TCF7: variants seen among roughly 807,000 people sequenced by gnomAD.
TCF7 encodes transcription factor 7.
Under a neutral mutation model 46.8 loss-of-function variants are expected in TCF7, and 19 were observed. That is an observed-to-expected ratio of 0.41 (90% confidence interval 0.28 to 0.60). The LOEUF (loss-of-function observed/expected upper bound fraction) is 0.60, where lower values mean the gene tolerates loss of function less well. TCF7 is among the 20% of genes least tolerant of loss of function. TCF7 has a pLI of 0.35. For synonymous variants in TCF7, 245 were observed against 213.4 expected (o/e 1.15, Z -1.29); for missense variants, 547 against 504.6 (o/e 1.08, Z -0.81).
upstream of TCF7, among the ~76,000 whole-genome samples, chr5:134,114,047 C>T (rs36203746): frequency 0.019 from 2,876 of 152,268 alleles, 95 homozygotes; most frequent in African/African-American, 0.065. Flanking sequence ...GAGCCGTCGC[C>T]TGACTGAGGG....
chr5:134,132,755 G>A (rs1000002889), intron 3 of TCF7, among the ~76,000 whole-genome samples: 1 of 151,338 alleles, frequency 6.6e-6, no homozygotes, highest in Non-Finnish European at 1.5e-5. Flanking sequence ...GGGTTGGGGG[G>A]GTGGTGAAGG....
rs1755569357 is a variant in TCF7, at chr5:134,114,821, ACTCCGGGCTCGCCGCC to A, written c.-84_-69del. On this transcript the variant is annotated 5_prime_UTR_variant, in exon 1 of 10. Coordinates refer to ENST00000342854, the MANE Select transcript of TCF7 (RefSeq NM_003202.5). ...CCGCGATCCGAGCTCGGAGGTTCGG[ACTCCGGGCTCGCCGCC>A]CCCCGGGCCGGCTCCGCGCCCCGCA... 1 of 974,760 alleles carries A rather than the reference ACTCCGGGCTCGCCGCC, an allele frequency of 1.0e-6. No homozygotes were observed. Among genetic ancestry groups the A allele is most frequent in the South Asian group, 4.7e-5 (1 of 21,104 alleles). 60.4% of individuals were successfully genotyped at this position (974,760 alleles called of 1,614,324 possible).
intron 9 of TCF7, chr5:134,144,905 T>TA (rs765122242): frequency 3.8e-5 from 60 of 1,579,976 alleles, no homozygotes; most frequent in Admixed American, 6.7e-5. Flanking sequence ...CCCTTTGCTT[T>TA]AAGCTGCTTC....
At chr5:134,144,865 T>C in intron 9 of TCF7, 2 of 1,614,114 alleles carry the variant, frequency 1.2e-6, no homozygotes, top group Non-Finnish European at 1.7e-6. Flanking sequence ...GTGTGGTCCG[T>C]GCAGGTGGGT....
intron 9 of TCF7, chr5:134,144,764 C>CCTGCT (rs775555778): frequency 1.3e-6 from 2 of 1,591,616 alleles, no homozygotes; most frequent in South Asian, 1.1e-5. Flanking sequence ...CGCCCTCTGC[C>CCTGCT]CTGCTCTACC....
At chr5:134,141,588 T>G (rs1005177822) in intron 5 of TCF7, 1 of 152,082 alleles carries the variant, frequency 6.6e-6, no homozygotes, top group African/African-American at 2.4e-5. Context: ...GAAAGAGTAA[T>G]AGATCTTTTG....
rs1484837584 is a variant in TCF7, at chr5:134,114,847, G to A, written c.-60G>A. On this transcript the variant is annotated 5_prime_UTR_variant, in exon 1 of 10. Transcript: ENST00000342854. The stretch of plus-strand genomic sequence containing the variant: ...CTCCGGGCTCGCCGCCCCCCGGGCC[G>A]GCTCCGCGCCCCGCACTCCCGGCGC... 3 of 981,750 alleles carry A rather than the reference G, an allele frequency of 3.1e-6. No homozygotes were observed. Among genetic ancestry groups the A allele is most frequent in the Non-Finnish European group, 3.6e-6 (3 of 829,158 alleles). 60.8% of individuals were successfully genotyped at this position (981,750 alleles called of 1,614,324 possible). A position where few individuals can be genotyped will look rare whatever the true frequency, so the allele number is the denominator to read the frequency against.
In TCF7 at chr5:134,116,202, G is replaced by A. The variant is rs1007311574; in HGVS notation, c.441+169G>A. 4.3e-6 allele frequency: 6 copies of A among 1,391,756 alleles called. No homozygotes were observed. The African/African-American group carries it at 7.4e-5, about 17-fold the overall frequency. 86.2% of individuals were successfully genotyped at this position (1,391,756 alleles called of 1,614,324 possible). A position where few individuals can be genotyped will look rare whatever the true frequency, so the allele number is the denominator to read the frequency against. On this transcript the variant is annotated intron_variant, in intron 3 of 9. Transcript: ENST00000342854. ...TCTGAACCAAAAGGAGAACTTTGCTGAAGGAAGGAGGGGCCGCCCTGGGGC... is the reference window on the plus strand; with the variant it reads ...TCTGAACCAAAAGGAGAACTTTGCTAAAGGAAGGAGGGGCCGCCCTGGGGC...
chr5:134,145,711 G>A (rs768567280), intron 9 of TCF7: 2 of 1,612,142 alleles, frequency 1.2e-6, no homozygotes, highest in Middle Eastern at 1.7e-4. Flanking sequence ...CCTGTCTTCA[G>A]GGGAAGTTCT....
chr5:134,147,205 G>A lies in TCF7; in HGVS notation c.*902G>A, dbSNP rs1306005026. 1.3e-5 allele frequency: 2 copies of A among 152,176 alleles called. No individual in the cohort carries two copies. The highest frequency in any genetic ancestry group is 2.9e-5 in the Non-Finnish European group (2 of 68,104). 9.4% of individuals were successfully genotyped at this position (152,176 alleles called of 1,614,324 possible). A position where few individuals can be genotyped will look rare whatever the true frequency, so the allele number is the denominator to read the frequency against. The stretch of plus-strand genomic sequence containing the variant: ...TTATCAGGCAAATTGGGGAGGGGAG[G>A]GTGTATCTAGCTCTAGTTCAAATTA... On this transcript the variant is annotated 3_prime_UTR_variant, in exon 10 of 10. Coordinates refer to ENST00000342854, the MANE Select transcript of TCF7 (RefSeq NM_003202.5).
In TCF7 at chr5:134,142,661, A is replaced by C. The variant is rs558212358; in HGVS notation, c.756-60A>C. ...CACTCTAGGCCCACGCTAGAGGAGG[A>C]GGCTGCAATTAGGTGGGCACTCGGG... On this transcript the variant is annotated intron_variant, in intron 6 of 9. Transcript: ENST00000342854. 8.7e-5 allele frequency: 138 copies of C among 1,593,514 alleles called. 1 individual carries two copies. The highest frequency in any genetic ancestry group is 5.6e-4 in the South Asian group (49 of 87,762).
intron 3 of TCF7, among the ~76,000 whole-genome samples, chr5:134,134,478 G>A (rs867140777): frequency 4.6e-5 from 7 of 152,206 alleles, no homozygotes; most frequent in Non-Finnish European, 7.3e-5. Flanking sequence ...CTCAGTCTCC[G>A]TGCCCTCAGC....
rs1311293681 is a variant in TCF7, at chr5:134,138,094, A to G, written c.477A>G (p.Gln159=). The G allele has an allele frequency of 1.1e-5, 18 of 1,609,318 alleles. No individual in the cohort carries two copies. The East Asian group carries it at 2.7e-4, about 24-fold the overall frequency. ...KANQPPHGVP[Q]LSLYEHFNSP... ...ATCAGCCCCCCCACGGTGTCCCCCA[A>G]CTCTCTCTCTACGAACATTTCAACA... The change falls in exon 4 of 10, where the codon CAA becomes CAG. Residue 159 remains glutamine (Q), a synonymous_variant. Coordinates refer to ENST00000342854, the MANE Select transcript of TCF7 (RefSeq NM_003202.5).
intron 3 of TCF7, among the ~76,000 whole-genome samples, chr5:134,121,029 C>T (rs1457674282): frequency 1.3e-5 from 2 of 152,252 alleles, no homozygotes; most frequent in East Asian, 1.9e-4. Flanking sequence ...GACTTGGGCA[C>T]GGAGGGGTCT....
intron 9 of TCF7, 97 bp downstream of exon 9, chr5:134,143,737 C>G (rs1312103441): frequency 1.2e-5 from 17 of 1,469,624 alleles, no homozygotes; most frequent in Admixed American, 3.8e-5. Context: ...CGGTACCCAG[C>G]TAGGAGCCTT....
Position 134,115,173 on chromosome 5 carries a change from C to A in TCF7, c.249+18C>A. On this transcript the variant is annotated intron_variant, in intron 1 of 9. Transcript: ENST00000342854. Reference sequence around the variant, plus strand: ...AGGCCGAGGTGAGCCCCCGCCGGCGCCGGCTCCTCCCCCGCGGTCGCCGCG... The same window carrying A: ...AGGCCGAGGTGAGCCCCCGCCGGCGACGGCTCCTCCCCCGCGGTCGCCGCG... 1 of 1,044,392 alleles carries A rather than the reference C, an allele frequency of 9.6e-7. No homozygotes were observed. Among genetic ancestry groups the A allele is most frequent in the South Asian group, 4.5e-5 (1 of 22,388 alleles). The allele number at this position is 1,044,392 out of a possible 1,614,324, so 64.7% of individuals were successfully genotyped here.
intron 3 of TCF7, among the ~76,000 whole-genome samples, chr5:134,116,404 C>G (rs1755849297): frequency 6.6e-6 from 1 of 152,208 alleles, no homozygotes; most frequent in Non-Finnish European, 1.5e-5. Flanking sequence ...AATTAACTTT[C>G]TAACTAGCCC....
At chr5:134,109,507 C>T in the TCF7 span, among the ~76,000 whole-genome samples, 5 of 152,174 alleles carry the variant, frequency 3.3e-5, no homozygotes, top group South Asian at 4.1e-4. Flanking sequence ...CGGTGGCTCA[C>T]GCTTGTAATC....
intron 3 of TCF7, among the ~76,000 whole-genome samples, chr5:134,123,078 T>C (rs1210293057): frequency 1.3e-5 from 2 of 152,160 alleles, no homozygotes; most frequent in Non-Finnish European, 2.9e-5. Flanking sequence ...CAGTGTGGAA[T>C]GGAAAGAGAC....
Sources: allele counts gnomAD v4.1 joint callset (sites outside exome capture counted in the v4.1 genomes callset), GRCh38; gene constraint gnomAD v4.1.1; transcripts MANE v1.5; gene names NCBI Gene and HGNC (gene_info 2026-07-23, HGNC 2026-07-21).